Variants in GTPBP2 observed in about 807,000 individuals in gnomAD.
The protein encoded by GTPBP2 is GTP binding protein 2.
In GTPBP2, 32 loss-of-function variants were observed where a neutral mutation model predicts 63.0. That is an observed-to-expected ratio of 0.51 (90% CI 0.38 to 0.68). The LOEUF (loss-of-function observed/expected upper bound fraction) is 0.68, where lower values mean the gene tolerates loss of function less well. Among genes scored for constraint, GTPBP2 ranks in the 30% least tolerant of loss-of-function variants. The probability of loss-of-function intolerance (pLI) is 0.00; values close to 1 mark genes in which losing one functional copy is unlikely to be tolerated. For missense variants in GTPBP2, 492 were observed against 796.9 expected (o/e 0.62, Z 4.61); for synonymous variants, 310 against 322.6 (o/e 0.96, Z 0.42).
rs1236353809 is a variant in GTPBP2, at chr6:43,625,602, C to T, written c.508-42G>A. 3 of 1,527,080 alleles carry T rather than the reference C, an allele frequency of 2.0e-6. No individual in the cohort carries two copies. The highest frequency in any genetic ancestry group is 2.7e-6 in the Non-Finnish European group (3 of 1,101,226). The allele number at this position is 1,527,080 out of a possible 1,614,324, so 94.6% of individuals were successfully genotyped here. A position where few individuals can be genotyped will look rare whatever the true frequency, so the allele number is the denominator to read the frequency against. On this transcript the variant is annotated intron_variant, in intron 4 of 11. Coordinates refer to ENST00000307126, the MANE Select transcript of GTPBP2 (RefSeq NM_019096.5). This position sits in a 1 kb window ranked among gnomAD's most constrained non-coding sequence, Gnocchi z 5.1. ...AGAGATAAGAACTCCAATCTCTCAC[C>T]CCTCTAACTGAAGACTGGGTCAAGG...
In GTPBP2 at chr6:43,626,536, C is replaced by T. The variant is rs1769356827; in HGVS notation, c.214-126G>A. ...CCACTTAAACTCATACCTGATCCCC[C>T]TCCAACAGAACGAGGTACAGAGCCC... is the stretch of plus-strand genomic sequence containing the variant. On this transcript the variant is annotated intron_variant, in intron 2 of 11. Transcript: ENST00000307126. This position sits in a 1 kb window ranked among gnomAD's most constrained non-coding sequence, Gnocchi z 4.0. 2.9e-6 allele frequency: 2 copies of T among 694,178 alleles called. No homozygotes were observed. The highest frequency in any genetic ancestry group is 2.6e-5 in the Admixed American group (1 of 38,262). The allele number at this position is 694,178 out of a possible 1,614,324, so 43.0% of individuals were successfully genotyped here.
chr6:43,621,267 A>T lies in GTPBP2; in HGVS notation c.*347T>A. The T allele has an allele frequency of 2.0e-6, 1 of 503,686 alleles. No individual in the cohort carries two copies. Among genetic ancestry groups the T allele is most frequent in the South Asian group, 1.8e-5 (1 of 55,624 alleles). The allele number at this position is 503,686 out of a possible 1,614,324, so 31.2% of individuals were successfully genotyped here. On this transcript the variant is annotated 3_prime_UTR_variant, in exon 12 of 12. Transcript: ENST00000307126. ...TGACCATTCCTGAAGTGCAGAGACC[A>T]CACCAGCAAAACATGCCCAGTCTTA...
rs944845248 is a variant in GTPBP2, at chr6:43,626,784, C to T, written c.213+138G>A. ...GCTGAGGCAGGAGAATCTGAGATTG[C>T]GCCACTGCACTCCAGCCTAGGCAAC... On this transcript the variant is annotated intron_variant, in intron 2 of 11. Transcript: ENST00000307126. This position sits in a 1 kb window ranked among gnomAD's most constrained non-coding sequence, Gnocchi z 4.0. 34 of 693,328 alleles carry T rather than the reference C, an allele frequency of 4.9e-5. No individual in the cohort carries two copies. Among genetic ancestry groups the T allele is most frequent in the African/African-American group, 1.6e-4 (9 of 55,302 alleles). 42.9% of individuals were successfully genotyped at this position (693,328 alleles called of 1,614,324 possible).
At chr6:43,629,844 A>ATGC, upstream of GTPBP2, 1 of 1,500,836 alleles carries the variant, frequency 6.7e-7, no homozygotes, top group Admixed American at 2.0e-5. Flanking sequence ...TGGGATGATT[A>ATGC]TGCTACCTTT....
Position 43,622,995 on chromosome 6 carries a change from G to T in GTPBP2, c.1296-191C>A. 1 of 577,098 alleles carries T rather than the reference G, an allele frequency of 1.7e-6. No homozygotes were observed. The highest frequency in any genetic ancestry group is 3.1e-6 in the Non-Finnish European group (1 of 323,386). 35.7% of individuals were successfully genotyped at this position (577,098 alleles called of 1,614,324 possible). Reference sequence around the variant, plus strand: ...AATCAGAAGACTAATTTCATAAAAGGCCAGCAGTGATGGTGGACAGAGAGA... The same window carrying T: ...AATCAGAAGACTAATTTCATAAAAGTCCAGCAGTGATGGTGGACAGAGAGA... On this transcript the variant is annotated intron_variant, in intron 9 of 11. Transcript: ENST00000307126. The surrounding 1 kb of genome is among the most constrained non-coding windows in gnomAD (Gnocchi z 5.4).
chr6:43,624,450 G>T lies in GTPBP2; in HGVS notation c.1100+60C>A. The stretch of plus-strand genomic sequence containing the variant: ...GAGAAGTAGGATATCATGCTTCTGG[G>T]CCCTGGGCTCTGTGGCAGCCTTCCT... On this transcript the variant is annotated intron_variant, in intron 7 of 11. Coordinates refer to ENST00000307126, the MANE Select transcript of GTPBP2 (RefSeq NM_019096.5). This position sits in a 1 kb window ranked among gnomAD's most constrained non-coding sequence, Gnocchi z 5.1. 2 of 1,235,756 alleles carry T rather than the reference G, an allele frequency of 1.6e-6. No homozygotes were observed. Among genetic ancestry groups the T allele is most frequent in the Non-Finnish European group, 1.2e-6 (1 of 848,020 alleles). The allele number at this position is 1,235,756 out of a possible 1,614,324, so 76.5% of individuals were successfully genotyped here. A position where few individuals can be genotyped will look rare whatever the true frequency, so the allele number is the denominator to read the frequency against.
At chr6:43,628,575 G>C in intron 1 of GTPBP2, 1 of 982,730 alleles carries the variant, frequency 1.0e-6, no homozygotes, top group Non-Finnish European at 1.2e-6. Context: ...CTTTTCCCGG[G>C]TACTCCCCTT....
chr6:43,630,356 C>T (rs985531073), upstream of GTPBP2, among the ~76,000 whole-genome samples: 4 of 152,212 alleles, frequency 2.6e-5, no homozygotes, highest in African/African-American at 9.6e-5. Context: ...CAATTCACAG[C>T]CGCATGGCTG....
chr6:43,628,637 C>A (rs190043771), intron 1 of GTPBP2: 1 of 664,494 alleles, frequency 1.5e-6, no homozygotes, highest in East Asian at 1.4e-4. Flanking sequence ...TGCCTCTCGT[C>A]CCAGGATGCA....
upstream of GTPBP2, chr6:43,629,826 G>C: frequency 6.5e-7 from 1 of 1,537,456 alleles, no homozygotes; most frequent in Admixed American, 2.0e-5. Flanking sequence ...AATTACGGCT[G>C]TTATTGTTGG....
chr6:43,621,720 A>C lies in GTPBP2; in HGVS notation c.1703T>G (p.Val568Gly). ...RFLKHPEYLK[V>G]GAKLLFREGV... ...CTCCCGGAACAGCAGTTTGGCGCCC[A>C]CCTTCAGGTACTCTGGGTGTTTCAG... The change falls in exon 12 of 12, where the codon GTG becomes GGG. Residue 568 changes from valine (V) to glycine (G), a missense_variant. Transcript: ENST00000307126. 6.2e-7 allele frequency: 1 copy of C among 1,614,088 alleles called. No homozygotes were observed. Among genetic ancestry groups the C allele is most frequent in the Non-Finnish European group, 8.5e-7 (1 of 1,180,022 alleles).
In GTPBP2 at chr6:43,625,530, T is replaced by C. The variant is rs757205757; in HGVS notation, c.538A>G (p.Asn180Asp). 1 of 1,613,922 alleles carries C rather than the reference T, an allele frequency of 6.2e-7. No homozygotes were observed. Among genetic ancestry groups the C allele is most frequent in the Non-Finnish European group, 8.5e-7 (1 of 1,179,880 alleles). ...FLDLRVAVLG[N>D]VDSGKSTLLG... ...AGAGTTGACTTCCCAGAGTCCACATTCCCCAGGACGGCCACACGGAGGTCT... is the reference window on the plus strand; with the variant it reads ...AGAGTTGACTTCCCAGAGTCCACATCCCCCAGGACGGCCACACGGAGGTCT... Residue 180 changes from asparagine (N) to aspartate (D), a missense_variant, in exon 5 of 12, where the codon AAT becomes GAT. By Grantham distance (23) the Asn-to-Asp change is conservative. Around this residue, in one of 2 missense-constraint regions of GTPBP2, gnomAD observed 400 missense variants for 710.8 expected, o/e 0.56. Coordinates refer to ENST00000307126, the MANE Select transcript of GTPBP2 (RefSeq NM_019096.5). This position sits in a 1 kb window ranked among gnomAD's most constrained non-coding sequence, Gnocchi z 5.1.
intron 8 of GTPBP2, 48 bp from the exon 9 acceptor site, chr6:43,623,843 G>A: frequency 6.2e-7 from 1 of 1,608,372 alleles, no homozygotes. Context: ...TAGGGCTGGT[G>A]GGTCCAAAAT....
At chr6:43,629,654 T>A (rs1769770890), upstream of GTPBP2, 1 of 1,337,280 alleles carries the variant, frequency 7.5e-7, no homozygotes, top group Admixed American at 2.0e-5. Flanking sequence ...TTAGCGCGGA[T>A]CCTAGACAAC....
intron 9 of GTPBP2, chr6:43,623,127 A>G (rs542431161): frequency 3.6e-6 from 1 of 274,372 alleles, no homozygotes; most frequent in African/African-American, 2.2e-5. Flanking sequence ...GCGTTGGCTC[A>G]CACCTGTAAT....
At position 43,620,520 on chromosome 6, in the gene GTPBP2, A is replaced by G. The variant is rs1004487498; in HGVS notation, c.*1094T>C. On this transcript the variant is annotated 3_prime_UTR_variant, in exon 12 of 12. Transcript: ENST00000307126. ...TCAATAAAACATTTTTATTCTGTAC[A>G]ATATATATGTGTATTTAAATATATA... 1 of 236,518 alleles carries G rather than the reference A, an allele frequency of 4.2e-6. No homozygotes were observed. Among genetic ancestry groups the G allele is most frequent in the Non-Finnish European group, 8.4e-6 (1 of 118,594 alleles). 14.7% of individuals were successfully genotyped at this position (236,518 alleles called of 1,614,324 possible).
chr6:43,629,897 G>A (rs1769789190), upstream of GTPBP2: 5 of 1,233,142 alleles, frequency 4.1e-6, no homozygotes, highest in East Asian at 5.5e-5. Flanking sequence ...CACCGTCCAG[G>A]GGCTGGTTTT....
intron 1 of GTPBP2, among the ~76,000 whole-genome samples, chr6:43,628,013 C>T (rs1769518915): frequency 6.6e-6 from 1 of 152,186 alleles, no homozygotes. Context: ...ATTAGTATCA[C>T]ACGGGAACTT....
chr6:43,625,998 C>T lies in GTPBP2; in HGVS notation c.399-134G>A. On this transcript the variant is annotated intron_variant, in intron 3 of 11. Coordinates refer to ENST00000307126, the MANE Select transcript of GTPBP2 (RefSeq NM_019096.5). The surrounding 1 kb of genome is among the most constrained non-coding windows in gnomAD (Gnocchi z 5.1). ...AGTGCACTTCCTACCACCCTCCAAT[C>T]TATTCCTCATTCACAGTTCCCTTTA... 9.4e-6 allele frequency: 7 copies of T among 747,984 alleles called. No individual in the cohort carries two copies. Among genetic ancestry groups the T allele is most frequent in the South Asian group, 9.2e-5 (6 of 64,912 alleles). 46.3% of individuals were successfully genotyped at this position (747,984 alleles called of 1,614,324 possible). A position where few individuals can be genotyped will look rare whatever the true frequency, so the allele number is the denominator to read the frequency against.
Sources: gnomAD v4.1 joint callset for allele counts (sites outside exome capture counted in the v4.1 genomes callset) on GRCh38, gnomAD v4.1.1 for gene constraint, gnomAD v4.1.1 regional missense constraint, Gnocchi (gnomAD v3.1) non-coding constraint, MANE v1.5 for transcripts, NCBI Gene and HGNC (gene_info 2026-07-23, HGNC 2026-07-21) for gene names.